The following KCNH2 variants were observed in gnomAD, a reference collection of about 807,000 sequenced individuals.
The protein encoded by KCNH2 is voltage-gated inwardly rectifying potassium channel KCNH2.
A neutral mutation model predicts 95.9 loss-of-function variants in KCNH2; 35 were observed. The ratio of observed to expected loss-of-function variants is 0.37; its 90% CI spans 0.28 to 0.48. KCNH2 has a LOEUF of 0.48. Among genes scored for constraint, KCNH2 ranks in the 20% least tolerant of loss-of-function variants. The pLI is 0.99. For missense variants in KCNH2, 1,274 were observed against 1,702.9 expected (o/e 0.75, Z 4.43); for synonymous variants, 786 against 754.7 (o/e 1.04, Z -0.68).
At chr7:150,974,349 A>G (rs748693) in intron 2 of KCNH2, among the ~76,000 whole-genome samples, 42,168 of 152,108 alleles carry the variant, frequency 0.28, 6,523 homozygotes, top group Non-Finnish European at 0.35. Flanking sequence ...TCTGACCTTT[A>G]ACCTCCATCC....
chr7:150,945,703 G>T lies in KCNH2; in HGVS notation c.3331-189C>A, dbSNP rs990571782. ...GCGAGAGCAGGACAGGGGCCACCAA[G>T]GGGAGGCACCAAGGTGGGAAGTAGA... On this transcript the variant is annotated intron_variant, in intron 14 of 14. Transcript: ENST00000262186. This position sits in a 1 kb window ranked among gnomAD's most constrained non-coding sequence, Gnocchi z 5.6. Among the ~76,000 whole-genome samples, 1 of 152,180 alleles carries T rather than the reference G, an allele frequency of 6.6e-6. No homozygotes were observed. Among genetic ancestry groups the T allele is most frequent in the Admixed American group, 6.5e-5 (1 of 15,284 alleles).
rs1436982328 is a variant in KCNH2 at position 150,962,958 on chromosome 7, C to T, written c.308-3222G>A. 2.6e-5 allele frequency among the ~76,000 whole-genome samples: 4 copies of T among 152,202 alleles called. No homozygotes were observed. Among genetic ancestry groups the T allele is most frequent in the Non-Finnish European group, 4.4e-5 (3 of 68,020 alleles). On this transcript the variant is annotated intron_variant, in intron 2 of 14. Coordinates refer to ENST00000262186, the MANE Select transcript of KCNH2 (RefSeq NM_000238.4). This position sits in a 1 kb window ranked among gnomAD's most constrained non-coding sequence, Gnocchi z 5.7. ...CCAGGCCTCCCAGCCAGACTCCATC[C>T]CACCACTGGCTGGGTTATGGGGGGA...
In KCNH2 at chr7:150,975,619, CATAAGGTAGGTGTTATT is replaced by C. The variant is rs1171573131; in HGVS notation, c.77-695_77-679del. The stretch of plus-strand genomic sequence containing the variant: ...ATCTCATTAGGTCCTCTGACAACCC[CATAAGGTAGGTGTTATT>C]ATCCTCCTTTTATAGATGAAGAAAC... On this transcript the variant is annotated intron_variant, in intron 1 of 14. Transcript: ENST00000262186. Among the ~76,000 whole-genome samples the C allele has an allele frequency of 2.0e-5, 3 of 152,226 alleles. No homozygotes were observed. In the East Asian group the frequency reaches 5.8e-4, roughly 29 times the overall value.
chr7:150,951,205 C>G (rs1026484955), intron 7 of KCNH2, 85 bp from the exon 8 acceptor site: 4 of 1,224,410 alleles, frequency 3.3e-6, no homozygotes, highest in Non-Finnish European at 4.6e-6. Flanking sequence ...CGCACCAGGT[C>G]AGTGTCTCAG....
chr7:150,963,105 C>T (rs1801610995), intron 2 of KCNH2, among the ~76,000 whole-genome samples: 1 of 152,180 alleles, frequency 6.6e-6, no homozygotes, highest in Admixed American at 6.5e-5. Context: ...AGGGCAGAGA[C>T]GAAGGACCCA....
chr7:150,960,233 G>A (rs1801519183), intron 2 of KCNH2, among the ~76,000 whole-genome samples: 1 of 151,996 alleles, frequency 6.6e-6, no homozygotes, highest in African/African-American at 2.4e-5. Flanking sequence ...TAACATCCTT[G>A]TGCCTCATTT....
Position 150,947,508 on chromosome 7 carries a change from A to G in KCNH2, c.2972T>C (p.Phe991Ser). The change falls in exon 13 of 15, where the codon TTC becomes TCC. Residue 991 changes from phenylalanine (F) to serine (S), a missense_variant. Around this residue, in one of 7 missense-constraint regions of KCNH2, gnomAD observed 457 missense variants for 416.1 expected, o/e 1.10. Transcript: ENST00000262186. ...GCTGAAAATGTTGGACACTCCTGAG[A>G]AGGCGCCTGCAGCCAGAGAGCAGAG... is the stretch of plus-strand genomic sequence containing the variant. ...SDTCNPLSGA[F>S]SGVSNIFSFW... 6.3e-7 allele frequency: 1 copy of G among 1,592,688 alleles called. No individual in the cohort carries two copies. The highest frequency in any genetic ancestry group is 2.3e-5 in the East Asian group (1 of 43,982).
At chr7:150,947,088 G>A (rs1473136969) in intron 13 of KCNH2, 34 bp from the exon 14 acceptor site, 3 of 1,542,578 alleles carry the variant, frequency 1.9e-6, no homozygotes, top group Middle Eastern at 2.2e-4. Context: ...TCAGAGAAGT[G>A]GGGACACCAG....
At chr7:150,975,737 G>A (rs1418754827) in intron 1 of KCNH2, among the ~76,000 whole-genome samples, 1 of 152,238 alleles carries the variant, frequency 6.6e-6, no homozygotes, top group African/African-American at 2.4e-5. Flanking sequence ...TTGAACCTTG[G>A]TCTGGCAGAG....
chr7:150,974,992 G>C, intron 1 of KCNH2, 51 bp from the exon 2 acceptor site: 1 of 1,469,876 alleles, frequency 6.8e-7, no homozygotes, highest in South Asian at 1.2e-5. Flanking sequence ...CAGCCTCCGG[G>C]ACTCCCAGCC....
In KCNH2 at chr7:150,945,642, T is replaced by C; in HGVS notation, c.3331-128A>G. 1 of 1,007,260 alleles carries C rather than the reference T, an allele frequency of 9.9e-7. No homozygotes were observed. The highest frequency in any genetic ancestry group is 1.5e-6 in the Non-Finnish European group (1 of 660,254). 62.4% of individuals were successfully genotyped at this position (1,007,260 alleles called of 1,614,324 possible). A position where few individuals can be genotyped will look rare whatever the true frequency, so the allele number is the denominator to read the frequency against. On this transcript the variant is annotated intron_variant, in intron 14 of 14. Transcript: ENST00000262186. This position sits in a 1 kb window ranked among gnomAD's most constrained non-coding sequence, Gnocchi z 5.6. ...CAGGAGGGCCAAGAGGAGAGTCAGGTGGGCAGAGAAGCTGGAGGGGACAAG... is the reference window on the plus strand; with the variant it reads ...CAGGAGGGCCAAGAGGAGAGTCAGGCGGGCAGAGAAGCTGGAGGGGACAAG...
At chr7:150,960,281 T>C (rs1801520575) in intron 2 of KCNH2, among the ~76,000 whole-genome samples, 1 of 152,140 alleles carries the variant, frequency 6.6e-6, no homozygotes, top group Admixed American at 6.5e-5. Context: ...TAATTTTTTC[T>C]TTTTAAAATT....
chr7:150,977,860 G>C lies in KCNH2; in HGVS notation c.54C>G (p.Ile18Met), dbSNP rs772587513. 5 of 1,601,168 alleles carry C rather than the reference G, an allele frequency of 3.1e-6. No individual in the cohort carries two copies. Among genetic ancestry groups the C allele is most frequent in the Non-Finnish European group, 4.3e-6 (5 of 1,175,250 alleles). ...CACTCTGGCCCTCAAACTTGCGGAT[G>C]ATGGTGTCCAGGAAGGTGTTCTGCG... Reference protein sequence around the residue: ...VAPQNTFLDTIIRKFEGQSRK... With the variant: ...VAPQNTFLDTMIRKFEGQSRK... Residue 18 changes from isoleucine to methionine, a missense_variant, in exon 1 of 15, where the codon ATC becomes ATG. Around this residue, in one of 7 missense-constraint regions of KCNH2, gnomAD observed 29 missense variants for 25.2 expected, o/e 1.15. Transcript: ENST00000262186.
Position 150,958,094 on chromosome 7 carries a change from C to A in KCNH2, c.881G>T (p.Gly294Val), listed in dbSNP as rs199473549. Residue 294 changes from glycine to valine, a missense_variant, in exon 4 of 15, where the codon GGG becomes GTG. By Grantham distance (109) the Gly-to-Val change is moderately radical (BLOSUM62 -3). Around this residue, in one of 7 missense-constraint regions of KCNH2, gnomAD observed 392 missense variants for 429.9 expected, o/e 0.91. Transcript: ENST00000262186. Reference protein sequence around the residue: ...SADDIEAMRAGVLPPPPRHAS... With the variant: ...SADDIEAMRAVVLPPPPRHAS... ...GTGGCGCGGTGGCGGGGGCAGCACCCCGGCGCGCATGGCCTCGATGTCGTC... is the reference window on the plus strand; with the variant it reads ...GTGGCGCGGTGGCGGGGGCAGCACCACGGCGCGCATGGCCTCGATGTCGTC... 2 of 1,287,614 alleles carry A rather than the reference C, an allele frequency of 1.6e-6. No individual in the cohort carries two copies. The highest frequency in any genetic ancestry group is 3.0e-4 in the Middle Eastern group (1 of 3,378). The allele number at this position is 1,287,614 out of a possible 1,614,324, so 79.8% of individuals were successfully genotyped here.
At chr7:150,947,093 C>A in intron 13 of KCNH2, 39 bp from the exon 14 acceptor site, 1 of 1,504,162 alleles carries the variant, frequency 6.6e-7, no homozygotes, top group Non-Finnish European at 9.0e-7. Flanking sequence ...GAAGTGGGGA[C>A]ACCAGTGACA....
At chr7:150,953,600 C>A (rs1442351807) in intron 5 of KCNH2, among the ~76,000 whole-genome samples, 39 of 152,246 alleles carry the variant, frequency 2.6e-4, no homozygotes, top group Admixed American at 2.6e-3. Context: ...CACACTCACA[C>A]TCTGCCTCCT....
intron 1 of KCNH2, among the ~76,000 whole-genome samples, chr7:150,975,498 G>A (rs1326044609): frequency 6.6e-6 from 1 of 152,148 alleles, no homozygotes; most frequent in Non-Finnish European, 1.5e-5. Flanking sequence ...TAGAACTTCT[G>A]CACACCACCC....
In KCNH2 at chr7:150,945,451, G is replaced by C. The variant is rs786205422; in HGVS notation, c.3394C>G (p.Pro1132Ala). 25 of 1,563,778 alleles carry C rather than the reference G, an allele frequency of 1.6e-5. No homozygotes were observed. The highest frequency in any genetic ancestry group is 1.4e-4 in the East Asian group (6 of 41,946). The change falls in exon 15 of 15, where the codon CCC (proline) becomes GCC (alanine). Residue 1132 changes from proline to alanine, a missense_variant. Physicochemically the swap from Pro to Ala is conservative, Grantham distance 27 (BLOSUM62 -1). Around this residue, in one of 7 missense-constraint regions of KCNH2, gnomAD observed 457 missense variants for 416.1 expected, o/e 1.10. Coordinates refer to ENST00000262186, the MANE Select transcript of KCNH2 (RefSeq NM_000238.4). This position sits in a 1 kb window ranked among gnomAD's most constrained non-coding sequence, Gnocchi z 5.6. Reference sequence around the variant, plus strand: ...CCCGGTAGGGAGAGGCGTCGTGTGGGGCCTTCTTGGGGAAGCTCTGGGGCC... The same window carrying C: ...CCCGGTAGGGAGAGGCGTCGTGTGGCGCCTTCTTGGGGAAGCTCTGGGGCC... Reference protein sequence around the residue: ...PGAPELPQEGPTRRLSLPGQL... With the variant: ...PGAPELPQEGATRRLSLPGQL...
At position 150,951,007 on chromosome 7, in the gene KCNH2, G is replaced by A. The variant is rs199472982; in HGVS notation, c.2059C>T (p.His687Tyr). Residue 687 changes from histidine (H) to tyrosine (Y), a missense_variant, in exon 8 of 15, where the codon CAC (histidine) becomes TAC (tyrosine). Physicochemically the swap from His to Tyr is moderately conservative, Grantham distance 83. Transcript: ENST00000262186. Reference sequence around the variant, plus strand: ...TGGCGCAGGGGATTGGGGATCTGGTGGAAGCGGATGAACTCCCGCACCCGC... The same window carrying A: ...TGGCGCAGGGGATTGGGGATCTGGTAGAAGCGGATGAACTCCCGCACCCGC... ...MLRVREFIRF[H>Y]QIPNPLRQRL... 3 of 1,614,244 alleles carry A rather than the reference G, an allele frequency of 1.9e-6. No individual in the cohort carries two copies. The highest frequency in any genetic ancestry group is 2.5e-6 in the Non-Finnish European group (3 of 1,180,038).
Sources: gnomAD v4.1 joint callset for allele counts (sites outside exome capture counted in the v4.1 genomes callset) on GRCh38, gnomAD v4.1.1 for gene constraint, gnomAD v4.1.1 regional missense constraint, Gnocchi (gnomAD v3.1) non-coding constraint, MANE v1.5 for transcripts, NCBI Gene and HGNC (gene_info 2026-07-23, HGNC 2026-07-21) for gene names.